The following EGFR variants were observed in gnomAD, a reference collection of about 807,000 sequenced individuals.
EGFR encodes the protein avian erythroblastic leukemia viral (v-erb-b) oncogene homolog.
Under a neutral mutation model 143.0 loss-of-function variants are expected in EGFR, and 58 were observed. That is an observed-to-expected ratio of 0.41 (90% CI 0.33 to 0.50). The LOEUF (loss-of-function observed/expected upper bound fraction) is 0.50, where lower values mean the gene tolerates loss of function less well. Ranked by LOEUF, EGFR falls within the 20% of genes least tolerant of loss-of-function variation. The pLI is 0.39. For missense variants in EGFR, 1,307 were observed against 1,579.0 expected (o/e 0.83, Z 2.92); for synonymous variants, 613 against 594.4 (o/e 1.03, Z -0.45).
At chr7:55,092,843 A>G (rs1791213075) in intron 1 of EGFR, among the ~76,000 whole-genome samples, 1 of 152,196 alleles carries the variant, frequency 6.6e-6, no homozygotes, top group Non-Finnish European at 1.5e-5. Flanking sequence ...CAGATAACAA[A>G]TATGGTTCTG....
intron 1 of EGFR, among the ~76,000 whole-genome samples, chr7:55,025,403 G>T (rs1161684085): frequency 6.6e-6 from 1 of 152,130 alleles, no homozygotes; most frequent in East Asian, 1.9e-4. Context: ...TTGACACCCA[G>T]GCTTCTCACT....
rs1202735398 is a variant in EGFR, at chr7:55,186,744, A to T, written c.2470-4975A>T. On this transcript the variant is annotated intron_variant, in intron 20 of 27. Transcript: ENST00000275493. The stretch of plus-strand genomic sequence containing the variant: ...TAGTGTTAAGCATCACATGAAATAC[A>T]TATAGAAGTAAGACAAAATTTCTTA... 2.6e-5 allele frequency among the ~76,000 whole-genome samples: 4 copies of T among 152,234 alleles called. No homozygotes were observed. The East Asian group carries it at 7.7e-4, about 29-fold the overall frequency.
At chr7:55,037,862 C>T (rs1439720348) in intron 1 of EGFR, among the ~76,000 whole-genome samples, 2 of 152,190 alleles carry the variant, frequency 1.3e-5, no homozygotes, top group Admixed American at 1.3e-4. Context: ...AGATCTATCT[C>T]AGTTCTGAAT....
Position 55,023,639 on chromosome 7 carries a change from A to C in EGFR, c.88+4274A>C, listed in dbSNP as rs149882482. Among the ~76,000 whole-genome samples the C allele has an allele frequency of 1.9e-3, 254 of 130,586 alleles. 5 individuals carry two copies. In the East Asian group the frequency reaches 0.054, roughly 28 times the overall value. 85.7% of individuals were successfully genotyped at this position (130,586 alleles called of 152,430 possible). ...GCACTCCAGCCCGCGCGACAGTGTG[A>C]GACTCCATCTCAAAAAAAAAAAAAA... is the stretch of plus-strand genomic sequence containing the variant. On this transcript the variant is annotated intron_variant, in intron 1 of 27. Coordinates refer to ENST00000275493, the MANE Select transcript of EGFR (RefSeq NM_005228.5).
chr7:55,175,725 C>G (rs2128955437), intron 19 of EGFR, among the ~76,000 whole-genome samples: 1 of 152,310 alleles, frequency 6.6e-6, no homozygotes, highest in East Asian at 1.9e-4. Flanking sequence ...AGGACAAAAG[C>G]CAGAGAGTAA....
At chr7:55,087,246 G>A (rs1300432148) in intron 1 of EGFR, among the ~76,000 whole-genome samples, 1 of 125,780 alleles carries the variant, frequency 8.0e-6, no homozygotes, top group Admixed American at 9.5e-5. Context: ...ACCATTTTAG[G>A]TTCACTTTAA....
intron 5 of EGFR, among the ~76,000 whole-genome samples, chr7:55,151,567 T>TATCA (rs1473609342): frequency 1.3e-5 from 2 of 152,196 alleles, no homozygotes; most frequent in Non-Finnish European, 2.9e-5. Flanking sequence ...AGCTTCAGCC[T>TATCA]ATCACAAATA....
At chr7:55,172,695 A>T in intron 16 of EGFR, 1 of 638,642 alleles carries the variant, frequency 1.6e-6, no homozygotes, top group Non-Finnish European at 2.6e-6. Context: ...ATATTTTGTT[A>T]ATCAACAAAT....
chr7:55,098,428 T>C (rs1225229510), intron 1 of EGFR, among the ~76,000 whole-genome samples: 1 of 152,162 alleles, frequency 6.6e-6, no homozygotes, highest in African/African-American at 2.4e-5. Flanking sequence ...TGAAATACTC[T>C]TCAGCCAGTA....
At chr7:55,183,709 T>C (rs969048245) in intron 20 of EGFR, among the ~76,000 whole-genome samples, 2 of 152,190 alleles carry the variant, frequency 1.3e-5, no homozygotes, top group Non-Finnish European at 2.9e-5. Context: ...CTGGTTTTAG[T>C]TTCTTCTTAG....
At chr7:55,083,351 A>G (rs1342530597) in intron 1 of EGFR, among the ~76,000 whole-genome samples, 2 of 152,250 alleles carry the variant, frequency 1.3e-5, no homozygotes, top group Non-Finnish European at 2.9e-5. Flanking sequence ...TCTTTAGACA[A>G]TAACTCAGCC....
chr7:55,181,687 C>G, intron 20 of EGFR: 2 of 636,194 alleles, frequency 3.1e-6, no homozygotes, highest in South Asian at 3.8e-5. Flanking sequence ...AAACTCTCAT[C>G]AATCAGCTAC....
chr7:55,143,316 G>C lies in EGFR; in HGVS notation c.252G>C (p.Glu84Asp), dbSNP rs1282801317. ...TTTTCTCTTCTTAGACCATCCAGGA[G>C]GTGGCTGGTTATGTCCTCATTGCCC... Reference protein sequence around the residue: ...YDLSFLKTIQEVAGYVLIALN... With the variant: ...YDLSFLKTIQDVAGYVLIALN... Residue 84 changes from glutamate to aspartate, a missense_variant, in exon 3 of 28, where the codon GAG (glutamate) becomes GAC (aspartate). Physicochemically the swap from Glu to Asp is conservative, Grantham distance 45 (BLOSUM62 2). Around this residue, in one of 7 missense-constraint regions of EGFR, gnomAD observed 311 missense variants for 412.3 expected, o/e 0.75. Coordinates refer to ENST00000275493, the MANE Select transcript of EGFR (RefSeq NM_005228.5). 1.9e-6 allele frequency: 3 copies of C among 1,614,218 alleles called. No homozygotes were observed. The highest frequency in any genetic ancestry group is 2.2e-5 in the South Asian group (2 of 91,080).
chr7:55,185,995 AT>A (rs1339796738), intron 20 of EGFR, among the ~76,000 whole-genome samples: 1 of 152,172 alleles, frequency 6.6e-6, no homozygotes, highest in African/African-American at 2.4e-5. Flanking sequence ...TGAGCTGCTA[AT>A]GGGAGGGAGA....
chr7:55,127,977 T>C (rs775242728), intron 1 of EGFR, among the ~76,000 whole-genome samples: 36 of 152,312 alleles, frequency 2.4e-4, no homozygotes, highest in Non-Finnish European at 4.6e-4. Context: ...TCTGTCAGAT[T>C]GAATGGGGCA....
intron 20 of EGFR, among the ~76,000 whole-genome samples, chr7:55,184,275 G>C (rs1329379995): frequency 6.6e-6 from 1 of 152,172 alleles, no homozygotes; most frequent in African/African-American, 2.4e-5. Context: ...ACCTAGGTTG[G>C]AGCAGCCACT....
At chr7:55,021,251 C>T (rs565723000) in intron 1 of EGFR, among the ~76,000 whole-genome samples, 1 of 152,184 alleles carries the variant, frequency 6.6e-6, no homozygotes, top group Non-Finnish European at 1.5e-5. Flanking sequence ...GCCTGGGGTG[C>T]CCGGGAGACG....
intron 15 of EGFR, among the ~76,000 whole-genome samples, chr7:55,166,566 G>GT (rs1181681226): frequency 1.3e-5 from 2 of 151,948 alleles, no homozygotes; most frequent in Non-Finnish European, 2.9e-5. Context: ...ATTGATGGTG[G>GT]GATGGTGATG....
chr7:55,205,121 G>C, intron 27 of EGFR, 135 bp from the exon 28 acceptor site: 1 of 1,342,240 alleles, frequency 7.5e-7, no homozygotes, highest in Non-Finnish European at 1.0e-6. Context: ...GCAACAGCAA[G>C]AGGGCCCTCC....
Sources: allele counts gnomAD v4.1 joint callset (sites outside exome capture counted in the v4.1 genomes callset), GRCh38; gene constraint gnomAD v4.1.1; regional missense constraint gnomAD v4.1.1; transcripts MANE v1.5; gene names NCBI Gene and HGNC (gene_info 2026-07-23, HGNC 2026-07-21).